The following SLC14A2 variants were observed in gnomAD, a reference collection of about 807,000 sequenced individuals.
The protein encoded by SLC14A2 is solute carrier family 14 member 2.
A neutral mutation model predicts 104.6 loss-of-function variants in SLC14A2; 91 were observed. That is an observed-to-expected ratio of 0.87 (90% CI 0.73 to 1.04). The LOEUF is 1.04. SLC14A2 is among the 50% of genes least tolerant of loss of function. The probability of loss-of-function intolerance (pLI) is 0.00; values close to 1 mark genes in which losing one functional copy is unlikely to be tolerated. For synonymous variants in SLC14A2, 476 were observed against 466.4 expected, an observed-to-expected ratio of 1.02 and a Z score of -0.27; for missense variants, 1,189 against 1,156.0, an observed-to-expected ratio of 1.03 and a Z score of -0.41.
chr18:45,509,048 G>A (rs191929016), intron 2 of SLC14A2, among the ~76,000 whole-genome samples: 1 of 152,256 alleles, frequency 6.6e-6, no homozygotes, highest in Admixed American at 6.5e-5. Context: ...AGATGGTCAT[G>A]ACTCTATCCT....
intron 2 of SLC14A2, among the ~76,000 whole-genome samples, chr18:45,545,240 T>G (rs2043952032): frequency 6.6e-6 from 1 of 152,256 alleles, no homozygotes. Flanking sequence ...AGAATTAAAG[T>G]CAATATTTTA....
At chr18:45,242,163 G>A (rs2084324575) in intron 1 of SLC14A2, among the ~76,000 whole-genome samples, 1 of 152,138 alleles carries the variant, frequency 6.6e-6, no homozygotes, top group Non-Finnish European at 1.5e-5. Flanking sequence ...GGGTTTGGGA[G>A]CAGATGACGC....
At chr18:45,597,055 G>A (rs147856288) in intron 2 of SLC14A2, among the ~76,000 whole-genome samples, 19 of 152,328 alleles carry the variant, frequency 1.2e-4, no homozygotes, top group East Asian at 9.7e-4. Context: ...AGCCGGGCAC[G>A]GTGGCTCATG....
chr18:45,244,823 C>G (rs139657588), intron 1 of SLC14A2, among the ~76,000 whole-genome samples: 34 of 152,296 alleles, frequency 2.2e-4, no homozygotes, highest in African/African-American at 7.2e-4. Flanking sequence ...TTTAAACTCT[C>G]TAAAATTTTT....
intron 10 of SLC14A2, among the ~76,000 whole-genome samples, chr18:45,659,372 CTT>C (rs1318489202): frequency 6.6e-6 from 1 of 152,358 alleles, no homozygotes; most frequent in African/African-American, 2.4e-5. Context: ...AAAATTTACT[CTT>C]GAGCTATAGA....
chr18:45,666,002 T>C (rs1039301816), intron 11 of SLC14A2, 135 bp from the exon 12 acceptor site: 12 of 631,552 alleles, frequency 1.9e-5, no homozygotes, highest in Non-Finnish European at 3.4e-5. Flanking sequence ...CAAGGCCCCA[T>C]GATTCTGTGC....
At chr18:45,343,188 T>C (rs1278987377) in intron 1 of SLC14A2, among the ~76,000 whole-genome samples, 8 of 142,394 alleles carry the variant, frequency 5.6e-5, no homozygotes, top group African/African-American at 1.0e-4. Context: ...CTAACCCAAC[T>C]CCAAGGGAAG....
chr18:45,567,766 C>T (rs368257920), intron 2 of SLC14A2, among the ~76,000 whole-genome samples: 8 of 152,138 alleles, frequency 5.3e-5, no homozygotes, highest in African/African-American at 1.9e-4. Flanking sequence ...TTACTGGGTT[C>T]AAAGTCAAAA....
the SLC14A2 span, among the ~76,000 whole-genome samples, chr18:45,179,052 T>G: frequency 1.3e-5 from 2 of 152,162 alleles, no homozygotes; most frequent in Non-Finnish European, 2.9e-5. Context: ...CAGTCTTTAA[T>G]CCCCAAGTCT....
chr18:45,246,977 AAACTC>A (rs1473256903), intron 1 of SLC14A2, among the ~76,000 whole-genome samples: 2 of 152,214 alleles, frequency 1.3e-5, no homozygotes, highest in African/African-American at 4.8e-5. Flanking sequence ...AAGAAACTAG[AAACTC>A]AACTCTATAT....
chr18:45,391,420 T>C (rs956018213), intron 1 of SLC14A2, among the ~76,000 whole-genome samples: 4 of 152,230 alleles, frequency 2.6e-5, no homozygotes, highest in Admixed American at 6.5e-5. Flanking sequence ...GCATGATTTA[T>C]AATCCTTTGG....
chr18:45,300,980 A>T (rs952189088), intron 1 of SLC14A2, among the ~76,000 whole-genome samples: 3 of 152,150 alleles, frequency 2.0e-5, no homozygotes, highest in Non-Finnish European at 4.4e-5. Context: ...CAGGAAGGGG[A>T]GATTGTGACT....
At chr18:45,273,579 G>A (rs775987009) in intron 1 of SLC14A2, among the ~76,000 whole-genome samples, 1 of 152,076 alleles carries the variant, frequency 6.6e-6, no homozygotes, top group African/African-American at 2.4e-5. Flanking sequence ...CTGATAATGT[G>A]TGTGTATTTG....
chr18:45,677,406 C>T (rs1599169980), intron 18 of SLC14A2, among the ~76,000 whole-genome samples: 2 of 152,162 alleles, frequency 1.3e-5, no homozygotes, highest in African/African-American at 2.4e-5. Flanking sequence ...GTTTGCCTCT[C>T]TCTTTCCAAC....
intron 1 of SLC14A2, among the ~76,000 whole-genome samples, chr18:45,350,409 T>C (rs1442948915): frequency 6.6e-6 from 1 of 152,136 alleles, no homozygotes; most frequent in African/African-American, 2.4e-5. Flanking sequence ...GGACAGCACG[T>C]TCATCACAGT....
chr18:45,286,680 C>T (rs1242511523), intron 1 of SLC14A2, among the ~76,000 whole-genome samples: 1 of 151,832 alleles, frequency 6.6e-6, no homozygotes, highest in African/African-American at 2.4e-5. Context: ...AGTTTTAATG[C>T]ATGCATAACA....
chr18:45,647,631 A>T (rs2045645989), intron 10 of SLC14A2: 1 of 152,212 alleles, frequency 6.6e-6, no homozygotes, highest in Admixed American at 6.5e-5. Flanking sequence ...TTTTCTCCTG[A>T]GTACAGCTTT....
At chr18:45,595,812 C>T (rs1003467523) in intron 2 of SLC14A2, among the ~76,000 whole-genome samples, 2 of 152,190 alleles carry the variant, frequency 1.3e-5, no homozygotes, top group African/African-American at 4.8e-5. Flanking sequence ...CACTTCCACA[C>T]ACTCCAAAGC....
chr18:45,428,754 C>T (rs1302206430), intron 1 of SLC14A2, among the ~76,000 whole-genome samples: 5 of 152,204 alleles, frequency 3.3e-5, no homozygotes, highest in African/African-American at 1.2e-4. Context: ...TACAAAACAG[C>T]CTGTCCCACT....
Sources: allele counts gnomAD v4.1 joint callset (sites outside exome capture counted in the v4.1 genomes callset), GRCh38; gene constraint gnomAD v4.1.1; transcripts MANE v1.5; gene names NCBI Gene and HGNC (gene_info 2026-07-23, HGNC 2026-07-21).